UNC5D: variants seen among roughly 807,000 people sequenced by gnomAD.
The protein encoded by UNC5D is netrin receptor UNC5D.
In UNC5D, 39 loss-of-function variants were observed where a neutral mutation model predicts 105.4. The observed-to-expected ratio is 0.37, with a 90% CI of 0.29 to 0.48. The LOEUF is 0.48. UNC5D is among the 20% of genes least tolerant of loss of function. UNC5D has a pLI of 0.98. For synonymous variants in UNC5D, 452 were observed against 450.4 expected (o/e 1.00, Z -0.04); for missense variants, 991 against 1,202.4 (o/e 0.82, Z 2.60).
chr8:35,423,055 A>C (rs573721429), intron 1 of UNC5D, among the ~76,000 whole-genome samples: 1 of 152,210 alleles, frequency 6.6e-6, no homozygotes, highest in Admixed American at 6.5e-5. Flanking sequence ...TCCAGTACTG[A>C]CCCCCACCAA....
chr8:35,693,867 T>G (rs1248613477), intron 7 of UNC5D, among the ~76,000 whole-genome samples: 1 of 152,164 alleles, frequency 6.6e-6, no homozygotes, highest in African/African-American at 2.4e-5. Flanking sequence ...CACATCTTGT[T>G]AACTTTGTTC....
chr8:35,770,205 A>G (rs1801949725), intron 15 of UNC5D, among the ~76,000 whole-genome samples: 1 of 152,162 alleles, frequency 6.6e-6, no homozygotes, highest in South Asian at 2.1e-4. Flanking sequence ...AGTAAGATAT[A>G]TTTATATAAT....
intron 1 of UNC5D, among the ~76,000 whole-genome samples, chr8:35,278,521 A>T (rs1805927610): frequency 6.6e-6 from 1 of 152,178 alleles, no homozygotes; most frequent in Non-Finnish European, 1.5e-5. Context: ...TTGTGTTTGC[A>T]GCTGTACATT....
At chr8:35,536,632 G>C (rs1283062273) in intron 1 of UNC5D, among the ~76,000 whole-genome samples, 4 of 152,126 alleles carry the variant, frequency 2.6e-5, no homozygotes, top group Non-Finnish European at 4.4e-5. Flanking sequence ...CTCATCTCTT[G>C]ATTGCTGTAA....
intron 1 of UNC5D, among the ~76,000 whole-genome samples, chr8:35,375,281 T>C (rs1051832856): frequency 6.6e-6 from 1 of 152,228 alleles, no homozygotes; most frequent in Non-Finnish European, 1.5e-5. Flanking sequence ...AAAAAATGTC[T>C]GTTAAAGGCA....
chr8:35,581,059 T>C (rs1003922647), intron 3 of UNC5D, among the ~76,000 whole-genome samples: 1 of 152,102 alleles, frequency 6.6e-6, no homozygotes, highest in African/African-American at 2.4e-5. Context: ...GGGGAACTTT[T>C]AAAAATTAAG....
chr8:35,254,360 T>G (rs1396447736), intron 1 of UNC5D: 1 of 152,220 alleles, frequency 6.6e-6, no homozygotes, highest in Non-Finnish European at 1.5e-5. Flanking sequence ...GTTTCACATA[T>G]GTTTTTGCAT....
Position 35,726,541 on chromosome 8 carries a change from G to A in UNC5D, c.1681+12G>A. ...AATGCCAAATACAGGTGGGTGGTAA[G>A]TGTGTGTTTGTGTATTTTCCATCAT... On this transcript the variant is annotated intron_variant, in intron 10 of 16. Transcript: ENST00000404895. The A allele has an allele frequency of 1.2e-6, 2 of 1,605,514 alleles. No individual in the cohort carries two copies. The highest frequency in any genetic ancestry group is 2.2e-5 in the South Asian group (2 of 90,844).
intron 1 of UNC5D, among the ~76,000 whole-genome samples, chr8:35,260,033 C>T (rs778038417): frequency 1.3e-5 from 2 of 152,194 alleles, no homozygotes; most frequent in Non-Finnish European, 2.9e-5. Flanking sequence ...GAGAAAACGA[C>T]TGCCTCCTTC....
chr8:35,795,967 G>T lies in UNC5D; in HGVS notation c.*5404G>T, dbSNP rs559434783. 1 of 152,050 alleles carries T rather than the reference G, an allele frequency of 6.6e-6. No homozygotes were observed. The highest frequency in any genetic ancestry group is 1.5e-5 in the Non-Finnish European group (1 of 68,016). 9.4% of individuals were successfully genotyped at this position (152,050 alleles called of 1,614,324 possible). The stretch of plus-strand genomic sequence containing the variant: ...AAACTCAAAAAATATGAGTACTTGC[G>T]TACCTCCATTTCTGCATGAAGATTT... On this transcript the variant is annotated 3_prime_UTR_variant, in exon 17 of 17. Coordinates refer to ENST00000404895, the MANE Select transcript of UNC5D (RefSeq NM_080872.4).
intron 7 of UNC5D, among the ~76,000 whole-genome samples, chr8:35,697,140 TACACACAC>T (rs10552113): frequency 3.4e-5 from 5 of 148,222 alleles, no homozygotes; most frequent in African/African-American, 4.9e-5. Context: ...TATATATACA[TACACACAC>T]ACACACACAC....
intron 1 of UNC5D, among the ~76,000 whole-genome samples, chr8:35,502,843 G>A (rs901275982): frequency 5.3e-5 from 8 of 152,006 alleles, no homozygotes; most frequent in South Asian, 2.1e-4. Flanking sequence ...GGGATTACAG[G>A]CGTGAGCCAC....
chr8:35,698,310 A>G (rs1323361768), intron 7 of UNC5D, among the ~76,000 whole-genome samples: 1 of 151,472 alleles, frequency 6.6e-6, no homozygotes, highest in Non-Finnish European at 1.5e-5. Flanking sequence ...TCAAGTATAC[A>G]GTACAATATT....
At chr8:35,613,236 A>G (rs1820808327) in intron 4 of UNC5D, among the ~76,000 whole-genome samples, 1 of 152,118 alleles carries the variant, frequency 6.6e-6, no homozygotes, top group Admixed American at 6.6e-5. Flanking sequence ...CATCATGCCC[A>G]GCTAATTTTT....
At chr8:35,293,710 G>A (rs1807250339) in intron 1 of UNC5D, among the ~76,000 whole-genome samples, 1 of 152,184 alleles carries the variant, frequency 6.6e-6, no homozygotes, top group Non-Finnish European at 1.5e-5. Flanking sequence ...TATTGTGTCA[G>A]GATTTGATGG....
Position 35,745,054 on chromosome 8 carries a change from C to CAA in UNC5D, c.1767-3461_1767-3460dup, listed in dbSNP as rs34156742. Among the ~76,000 whole-genome samples the CAA allele has an allele frequency of 8.5e-4, 116 of 136,272 alleles. 1 individual carries two copies. In the South Asian group the frequency reaches 0.012, roughly 14 times the overall value. 89.4% of individuals were successfully genotyped at this position (136,272 alleles called of 152,430 possible). ...GGGCGACAAGAGCAAAACTCTGTCT[C>CAA]AAAAAAAAAAAAATTCCCTAGCCTC... On this transcript the variant is annotated intron_variant, in intron 11 of 16. Transcript: ENST00000404895.
chr8:35,498,084 CAAAAAAA>C lies in UNC5D; in HGVS notation c.104-51187_104-51181del, dbSNP rs58175711. On this transcript the variant is annotated intron_variant, in intron 1 of 16. Transcript: ENST00000404895. ...AACTCCATCTCAAAACAAAACAAAACAAAAAAAAAAAAAAAAAAAAAAAAAAAGCGGG... is the reference window on the plus strand; with the variant it reads ...AACTCCATCTCAAAACAAAACAAAACAAAAAAAAAAAAAAAAAAAAGCGGG... 8.9e-4 allele frequency among the ~76,000 whole-genome samples: 52 copies of C among 58,186 alleles called. 1 individual carries two copies. Among genetic ancestry groups the C allele is most frequent in the Non-Finnish European group, 1.8e-3 (38 of 21,260 alleles). 38.2% of individuals were successfully genotyped at this position (58,186 alleles called of 152,430 possible). A position where few individuals can be genotyped will look rare whatever the true frequency, so the allele number is the denominator to read the frequency against.
intron 1 of UNC5D, among the ~76,000 whole-genome samples, chr8:35,247,974 AT>A (rs1803256366): frequency 7.1e-5 from 1 of 14,150 alleles, no homozygotes; most frequent in Admixed American, 2.2e-3. Flanking sequence ...TATATATAAA[AT>A]ATATATAATA....
At chr8:35,259,176 A>T (rs2128819656) in intron 1 of UNC5D, among the ~76,000 whole-genome samples, 1 of 152,264 alleles carries the variant, frequency 6.6e-6, no homozygotes, top group Non-Finnish European at 1.5e-5. Context: ...TGGGGTGGAG[A>T]AGGCAGAGAG....
Sources: allele counts gnomAD v4.1 joint callset (sites outside exome capture counted in the v4.1 genomes callset), GRCh38; gene constraint gnomAD v4.1.1; transcripts MANE v1.5; gene names NCBI Gene and HGNC (gene_info 2026-07-23, HGNC 2026-07-21).